Variants in CSMD1 observed in about 807,000 individuals in gnomAD.
The protein encoded by CSMD1 is CUB and Sushi multiple domains 1.
In CSMD1, 213 loss-of-function variants were observed where a neutral mutation model predicts 417.5. The observed-to-expected ratio is 0.51, with a 90% CI of 0.46 to 0.57. The LOEUF (loss-of-function observed/expected upper bound fraction) is 0.57, where lower values mean the gene tolerates loss of function less well. Ranked by LOEUF, CSMD1 falls within the 20% of genes least tolerant of loss-of-function variation. The pLI, the probability that CSMD1 is intolerant of heterozygous loss-of-function variation, is 0.00. For missense variants in CSMD1, 6,923 were observed against 4,529.7 expected, an observed-to-expected ratio of 1.53 and a Z score of -15.17; for synonymous variants, 2,862 against 1,736.8, an observed-to-expected ratio of 1.65 and a Z score of -16.11.
At chr8:3,447,435 T>C (rs141234286) in intron 12 of CSMD1, among the ~76,000 whole-genome samples, 1 of 152,296 alleles carries the variant, frequency 6.6e-6, no homozygotes, top group South Asian at 2.1e-4. Flanking sequence ...GAGGTATTTT[T>C]AGATAAAGTG....
At chr8:3,320,483 C>G (rs945427618) in intron 23 of CSMD1, among the ~76,000 whole-genome samples, 2 of 152,146 alleles carry the variant, frequency 1.3e-5, no homozygotes, top group Non-Finnish European at 2.9e-5. Flanking sequence ...ATCAACAATA[C>G]CTGAATTTGT....
chr8:4,799,829 T>A (rs1798180560), intron 1 of CSMD1, among the ~76,000 whole-genome samples: 1 of 151,912 alleles, frequency 6.6e-6, no homozygotes, highest in African/African-American at 2.4e-5. Flanking sequence ...AGTATTAGAA[T>A]GCTCTTTCCA....
intron 5 of CSMD1, among the ~76,000 whole-genome samples, chr8:3,975,546 T>A (rs1314754117): frequency 1.3e-5 from 2 of 152,204 alleles, no homozygotes. Context: ...CTTCTCCCAC[T>A]GTCGGGATGA....
chr8:3,320,984 G>A (rs749803207), intron 23 of CSMD1, among the ~76,000 whole-genome samples: 4 of 152,084 alleles, frequency 2.6e-5, no homozygotes, highest in Non-Finnish European at 5.9e-5. Context: ...GGAAATAAAG[G>A]CCGTGAGTTC....
intron 3 of CSMD1, among the ~76,000 whole-genome samples, chr8:4,315,389 G>C (rs1236751991): frequency 1.3e-5 from 2 of 152,116 alleles, no homozygotes; most frequent in Non-Finnish European, 2.9e-5. Context: ...TCACTAATAT[G>C]TCCCCAAGCA....
intron 5 of CSMD1, among the ~76,000 whole-genome samples, chr8:3,874,554 G>C (rs909520335): frequency 6.6e-6 from 1 of 152,170 alleles, no homozygotes; most frequent in African/African-American, 2.4e-5. Flanking sequence ...GCATCTTAGG[G>C]AGATGTTGCT....
At chr8:3,661,988 G>C (rs1392179168) in intron 7 of CSMD1, among the ~76,000 whole-genome samples, 2 of 152,174 alleles carry the variant, frequency 1.3e-5, no homozygotes, top group South Asian at 2.1e-4. Flanking sequence ...CGGGAGAGAG[G>C]AGCTACGCAG....
At chr8:4,729,319 G>A (rs1298959541) in intron 1 of CSMD1, among the ~76,000 whole-genome samples, 1 of 152,328 alleles carries the variant, frequency 6.6e-6, no homozygotes, top group Non-Finnish European at 1.5e-5. Flanking sequence ...ACACAAAGGT[G>A]TTTTGTTGGT....
intron 33 of CSMD1, among the ~76,000 whole-genome samples, chr8:3,192,998 G>A (rs1427929891): frequency 6.6e-6 from 1 of 152,030 alleles, no homozygotes; most frequent in African/African-American, 2.4e-5. Context: ...TCCACAAAAT[G>A]AAGCGCTATT....
At chr8:4,473,611 C>T (rs1341380109) in intron 2 of CSMD1, among the ~76,000 whole-genome samples, 2 of 152,170 alleles carry the variant, frequency 1.3e-5, no homozygotes, top group Non-Finnish European at 2.9e-5. Flanking sequence ...CATTGTACAT[C>T]ACTTTACCTA....
intron 3 of CSMD1, among the ~76,000 whole-genome samples, chr8:4,145,088 A>T (rs1804029027): frequency 6.6e-6 from 1 of 151,248 alleles, no homozygotes; most frequent in African/African-American, 2.5e-5. Flanking sequence ...AGGATGTTAA[A>T]AATGTAACTT....
At position 3,893,339 on chromosome 8, in the gene CSMD1, T is replaced by TTATATATATATATATA. The variant is rs56848640; in HGVS notation, c.818+104548_818+104563dup. ...TCCCAAACTAATAATATTCACAATTTTATATATATATATATATATATATTA... is the reference window on the plus strand; with the variant it reads ...TCCCAAACTAATAATATTCACAATTTTATATATATATATATATATATATATATATATATATATATTA... On this transcript the variant is annotated intron_variant, in intron 5 of 69. Coordinates refer to ENST00000635120, the MANE Select transcript of CSMD1 (RefSeq NM_033225.6). Among the ~76,000 whole-genome samples the TTATATATATATATATA allele has an allele frequency of 6.7e-3, 538 of 80,436 alleles. 26 individuals carry two copies. The highest frequency in any genetic ancestry group is 7.9e-3 in the Non-Finnish European group (283 of 35,932). The allele number at this position is 80,436 out of a possible 152,430, so 52.8% of individuals were successfully genotyped here. A position where few individuals can be genotyped will look rare whatever the true frequency, so the allele number is the denominator to read the frequency against.
At chr8:4,304,537 T>C (rs965163018) in intron 3 of CSMD1, among the ~76,000 whole-genome samples, 40 of 152,308 alleles carry the variant, frequency 2.6e-4, no homozygotes, top group African/African-American at 8.9e-4. Context: ...GGCCACCTGC[T>C]AGCTCATCGT....
chr8:3,838,258 G>A (rs1157022737), intron 5 of CSMD1, among the ~76,000 whole-genome samples: 1 of 151,960 alleles, frequency 6.6e-6, no homozygotes, highest in Non-Finnish European at 1.5e-5. Flanking sequence ...TCACAAGTCT[G>A]GGCATAATGG....
chr8:4,220,290 G>A (rs1294909155), intron 3 of CSMD1, among the ~76,000 whole-genome samples: 1 of 152,152 alleles, frequency 6.6e-6, no homozygotes, highest in Admixed American at 6.6e-5. Context: ...AGGCCTTCCT[G>A]ACAAGGTTAT....
intron 65 of CSMD1, 145 bp downstream of exon 65, chr8:2,954,079 C>T (rs1277583136): frequency 1.8e-5 from 8 of 434,628 alleles, no homozygotes; most frequent in African/African-American, 1.4e-4. Flanking sequence ...TCCATGTAAG[C>T]TTGGTGTTTT....
chr8:3,977,448 T>C (rs1162062119), intron 5 of CSMD1, among the ~76,000 whole-genome samples: 2 of 152,194 alleles, frequency 1.3e-5, no homozygotes, highest in African/African-American at 4.8e-5. Flanking sequence ...CTCTGAGTTG[T>C]TTTGGATGGC....
chr8:4,340,472 G>T (rs1489915611), intron 3 of CSMD1, among the ~76,000 whole-genome samples: 1 of 151,994 alleles, frequency 6.6e-6, no homozygotes, highest in Non-Finnish European at 1.5e-5. Flanking sequence ...TCTGTCTAGG[G>T]GTGATGAACT....
chr8:4,392,214 C>T (rs1361751567), intron 3 of CSMD1, among the ~76,000 whole-genome samples: 1 of 152,088 alleles, frequency 6.6e-6, no homozygotes, highest in Non-Finnish European at 1.5e-5. Context: ...CACAGCAGAT[C>T]GTTCTAACAT....
Sources: gnomAD v4.1 joint callset for allele counts (sites outside exome capture counted in the v4.1 genomes callset) on GRCh38, gnomAD v4.1.1 for gene constraint, MANE v1.5 for transcripts, NCBI Gene and HGNC (gene_info 2026-07-23, HGNC 2026-07-21) for gene names.